MAML3: variants seen among roughly 807,000 people sequenced by gnomAD.
The protein encoded by MAML3 is mastermind like transcriptional coactivator 3.
Under a neutral mutation model 101.9 loss-of-function variants are expected in MAML3, and 27 were observed. That is an observed-to-expected ratio of 0.27 (90% CI 0.20 to 0.37). The LOEUF is 0.37. Ranked by LOEUF, MAML3 falls within the 10% of genes least tolerant of loss-of-function variation. The probability of loss-of-function intolerance (pLI) is 1.00; values close to 1 mark genes in which losing one functional copy is unlikely to be tolerated. For synonymous variants in MAML3, 501 were observed against 555.9 expected (o/e 0.90, Z 1.39); for missense variants, 1,316 against 1,444.9 (o/e 0.91, Z 1.45).
chr4:139,979,787 G>A (rs964677903), intron 1 of MAML3, among the ~76,000 whole-genome samples: 1 of 152,174 alleles, frequency 6.6e-6, no homozygotes, highest in African/African-American at 2.4e-5. Context: ...TGAACCTGCT[G>A]GTGCCGTGAT....
At chr4:139,990,726 C>T (rs1198047404) in intron 1 of MAML3, among the ~76,000 whole-genome samples, 1 of 151,954 alleles carries the variant, frequency 6.6e-6, no homozygotes, top group South Asian at 2.1e-4. Flanking sequence ...AATCAATGTA[C>T]AAAAATCACA....
chr4:139,809,688 A>G (rs1369768567), intron 2 of MAML3, among the ~76,000 whole-genome samples: 2 of 152,152 alleles, frequency 1.3e-5, no homozygotes, highest in East Asian at 3.9e-4. Flanking sequence ...CTGAGACCCA[A>G]ACTCTAACAG....
chr4:139,948,368 A>G (rs532984662), intron 1 of MAML3, among the ~76,000 whole-genome samples: 1 of 152,296 alleles, frequency 6.6e-6, no homozygotes, highest in African/African-American at 2.4e-5. Flanking sequence ...AGGACTAAAA[A>G]CTATATTTAA....
intron 1 of MAML3, among the ~76,000 whole-genome samples, chr4:140,112,356 C>G (rs1460729377): frequency 6.6e-6 from 1 of 152,162 alleles, no homozygotes; most frequent in African/African-American, 2.4e-5. Context: ...GTAGCCATTT[C>G]TCCAAGTCAT....
At chr4:139,759,514 C>A (rs1025650223) in intron 2 of MAML3, among the ~76,000 whole-genome samples, 1 of 152,214 alleles carries the variant, frequency 6.6e-6, no homozygotes, top group Non-Finnish European at 1.5e-5. Flanking sequence ...TGTAGTCCTG[C>A]TCTAGGTGTG....
chr4:139,969,237 C>A (rs546330036), intron 1 of MAML3, among the ~76,000 whole-genome samples: 126 of 151,560 alleles, frequency 8.3e-4, no homozygotes, highest in African/African-American at 1.7e-3. Context: ...GATGGGCTGA[C>A]CAGGATTTGT....
intron 2 of MAML3, among the ~76,000 whole-genome samples, chr4:139,854,981 C>T (rs1202875906): frequency 2.0e-5 from 3 of 152,212 alleles, no homozygotes; most frequent in African/African-American, 4.8e-5. Context: ...GCCATGTGCT[C>T]TCACCCAGGA....
intron 2 of MAML3, chr4:139,888,677 C>T (rs1468978639): frequency 1.3e-5 from 7 of 518,726 alleles, no homozygotes; most frequent in Non-Finnish European, 2.3e-5. Flanking sequence ...TTTAATACAG[C>T]ACTAAGATAT....
intron 1 of MAML3, among the ~76,000 whole-genome samples, chr4:140,091,537 C>CAAAAAAAAAAAAAAAAAA (rs570700966): frequency 8.7e-4 from 62 of 71,584 alleles, no homozygotes; most frequent in African/African-American, 1.4e-3. Flanking sequence ...AACAACAAAA[C>CAAAAAAAAAAAAAAAAAA]AAAAACAAAA....
rs188379722 is a variant in MAML3, at chr4:139,989,351, G to A, written c.469-98384C>T. On this transcript the variant is annotated intron_variant, in intron 1 of 4. Transcript: ENST00000509479. ...CTCTGGAGCACTTGCCCAGAGAGGC[G>A]GCCAGGAAAATCAGAACCATCGGCC... Among the ~76,000 whole-genome samples, 73 of 152,210 alleles carry A rather than the reference G, an allele frequency of 4.8e-4. No homozygotes were observed. The East Asian group carries it at 9.1e-3, about 19-fold the overall frequency.
chr4:139,994,748 A>G (rs901369926), intron 1 of MAML3, among the ~76,000 whole-genome samples: 5 of 151,184 alleles, frequency 3.3e-5, no homozygotes, highest in African/African-American at 1.2e-4. Context: ...TAACTCACTT[A>G]TTAGTTTTAA....
intron 2 of MAML3, among the ~76,000 whole-genome samples, chr4:139,871,813 G>A (rs557530786): frequency 9.1e-4 from 138 of 152,232 alleles, no homozygotes; most frequent in Non-Finnish European, 1.7e-3. Flanking sequence ...CAGTGCTGAC[G>A]TCTTTTTAAA....
At chr4:139,844,978 T>TTCTCTCTCTCTGTCTG (rs373392076) in intron 2 of MAML3, among the ~76,000 whole-genome samples, 5 of 151,866 alleles carry the variant, frequency 3.3e-5, no homozygotes, top group African/African-American at 1.2e-4. Context: ...CTATTTCTCT[T>TTCTCTCTCTCTGTCTG]TCTCTCTCTC....
chr4:139,891,134 A>G (rs1053224891), intron 1 of MAML3, among the ~76,000 whole-genome samples, 167 bp from the exon 2 acceptor site: 3 of 152,252 alleles, frequency 2.0e-5, no homozygotes, highest in African/African-American at 7.2e-5. Flanking sequence ...TTCAAATTGT[A>G]TGGGAAAAGG....
chr4:139,851,103 A>ACTGT (rs1026745991), intron 2 of MAML3, among the ~76,000 whole-genome samples: 10 of 152,184 alleles, frequency 6.6e-5, no homozygotes, highest in Non-Finnish European at 1.3e-4. Flanking sequence ...CCTTTCAAAT[A>ACTGT]CTGTCCCTCC....
chr4:139,853,572 T>C (rs1393540829), intron 2 of MAML3, among the ~76,000 whole-genome samples: 1 of 152,154 alleles, frequency 6.6e-6, no homozygotes, highest in East Asian at 1.9e-4. Context: ...AAATGATCTC[T>C]GATCAACCCC....
At chr4:140,107,055 G>T (rs578176471) in intron 1 of MAML3, among the ~76,000 whole-genome samples, 94 of 152,194 alleles carry the variant, frequency 6.2e-4, no homozygotes, top group Admixed American at 1.1e-3. Flanking sequence ...ATTTTTAGTA[G>T]AGACAGGGTT....
At chr4:139,873,135 C>A (rs1270703570) in intron 2 of MAML3, among the ~76,000 whole-genome samples, 1 of 152,058 alleles carries the variant, frequency 6.6e-6, no homozygotes, top group Non-Finnish European at 1.5e-5. Context: ...ATTTTGTTTC[C>A]TACTTTAAAT....
At chr4:139,903,885 T>C (rs1352340162) in intron 1 of MAML3, among the ~76,000 whole-genome samples, 1 of 152,212 alleles carries the variant, frequency 6.6e-6, no homozygotes, top group African/African-American at 2.4e-5. Flanking sequence ...CGGCACCATC[T>C]AGGTATCCTC....
Sources: gnomAD v4.1 joint callset for allele counts (sites outside exome capture counted in the v4.1 genomes callset) on GRCh38, gnomAD v4.1.1 for gene constraint, MANE v1.5 for transcripts, NCBI Gene and HGNC (gene_info 2026-07-23, HGNC 2026-07-21) for gene names.